Variants in PTPRD observed in about 807,000 individuals in gnomAD.
PTPRD encodes the protein protein tyrosine phosphatase receptor type D.
A neutral mutation model predicts 214.5 loss-of-function variants in PTPRD; 34 were observed. That is an observed-to-expected ratio of 0.16 (90% CI 0.12 to 0.21). The LOEUF (loss-of-function observed/expected upper bound fraction) is 0.21. Ranked by LOEUF, PTPRD falls within the 10% of genes least tolerant of loss-of-function variation. The pLI, the probability that PTPRD is intolerant of heterozygous loss-of-function variation, is 1.00. For missense variants in PTPRD, 2,545 were observed against 2,398.7 expected (o/e 1.06, Z -1.27); for synonymous variants, 1,128 against 845.7 (o/e 1.33, Z -5.79).
intron 5 of PTPRD, among the ~76,000 whole-genome samples, chr9:9,813,983 A>G (rs2047964152): frequency 6.6e-6 from 1 of 152,164 alleles, no homozygotes; most frequent in Non-Finnish European, 1.5e-5. Flanking sequence ...CTGGGCTGAA[A>G]GATGGTTCAA....
chr9:8,613,396 T>C (rs2095514335), intron 14 of PTPRD, among the ~76,000 whole-genome samples: 1 of 152,170 alleles, frequency 6.6e-6, no homozygotes. Context: ...GCCTTCCTTC[T>C]GGGAAACAGA....
chr9:9,281,913 C>G lies in PTPRD; in HGVS notation c.-202-98550G>C, dbSNP rs568634999. Among the ~76,000 whole-genome samples, 9 of 150,892 alleles carry G rather than the reference C, an allele frequency of 6.0e-5. No individual in the cohort carries two copies. In the South Asian group the frequency reaches 1.7e-3, roughly 28 times the overall value. On this transcript the variant is annotated intron_variant, in intron 9 of 45. Coordinates refer to ENST00000381196, the MANE Select transcript of PTPRD (RefSeq NM_002839.4). Reference sequence around the variant, plus strand: ...TATATCCAGATGATGAAATATTATTCAGCACTAAAATATTATTCAACATGA... The same window carrying G: ...TATATCCAGATGATGAAATATTATTGAGCACTAAAATATTATTCAACATGA...
chr9:10,394,067 T>C (rs2890916), intron 2 of PTPRD, among the ~76,000 whole-genome samples: 1 of 144,426 alleles, frequency 6.9e-6, no homozygotes, highest in East Asian at 2.0e-4. Context: ...TATATATATA[T>C]ATATATATAG....
intron 11 of PTPRD, among the ~76,000 whole-genome samples, chr9:9,003,311 A>T (rs2099431214): frequency 6.6e-6 from 1 of 151,910 alleles, no homozygotes; most frequent in African/African-American, 2.4e-5. Flanking sequence ...CTGAATCTAA[A>T]TCCCTAACGC....
chr9:9,939,918 A>C (rs1603114859), intron 4 of PTPRD, among the ~76,000 whole-genome samples: 1 of 152,126 alleles, frequency 6.6e-6, no homozygotes, highest in African/African-American at 2.4e-5. Flanking sequence ...CCACTTTATC[A>C]CCTTCATTTC....
At chr9:8,425,889 T>C (rs1437023892) in intron 35 of PTPRD, among the ~76,000 whole-genome samples, 1 of 152,144 alleles carries the variant, frequency 6.6e-6, no homozygotes, top group Non-Finnish European at 1.5e-5. Context: ...AAAATACCTT[T>C]TTTTGATATT....
chr9:8,708,889 G>C (rs1246508850), intron 12 of PTPRD, among the ~76,000 whole-genome samples: 1 of 152,036 alleles, frequency 6.6e-6, no homozygotes, highest in African/African-American at 2.4e-5. Context: ...GTCCTATTAT[G>C]TACACAGTGA....
intron 2 of PTPRD, among the ~76,000 whole-genome samples, chr9:10,576,840 T>C (rs1446300145): frequency 6.6e-6 from 1 of 152,138 alleles, no homozygotes; most frequent in Non-Finnish European, 1.5e-5. Flanking sequence ...CCAAGTTAAA[T>C]ACATCATTGT....
At chr9:10,386,185 G>T (rs925864297) in intron 2 of PTPRD, among the ~76,000 whole-genome samples, 12 of 151,784 alleles carry the variant, frequency 7.9e-5, no homozygotes, top group African/African-American at 2.4e-4. Flanking sequence ...GGTTTAGAGC[G>T]AGTTTATATT....
intron 2 of PTPRD, among the ~76,000 whole-genome samples, chr9:10,479,802 C>CA (rs1220363451): frequency 1.3e-5 from 2 of 151,996 alleles, no homozygotes; most frequent in Admixed American, 6.6e-5. Flanking sequence ...GCCTGGGCAA[C>CA]AGGGTGAGAT....
At chr9:8,366,016 A>G (rs1179793886) in intron 39 of PTPRD, among the ~76,000 whole-genome samples, 4 of 152,256 alleles carry the variant, frequency 2.6e-5, no homozygotes, top group African/African-American at 4.8e-5. Flanking sequence ...ACTGACAGAC[A>G]TACCCTCCGT....
chr9:8,357,518 T>G (rs1444817612), intron 39 of PTPRD, among the ~76,000 whole-genome samples: 1 of 152,210 alleles, frequency 6.6e-6, no homozygotes, highest in East Asian at 1.9e-4. Flanking sequence ...GCAAATATAC[T>G]GCATTTGAGA....
intron 7 of PTPRD, among the ~76,000 whole-genome samples, chr9:9,623,066 A>G (rs76621813): frequency 0.28 from 42,860 of 152,160 alleles, 6,555 homozygotes; most frequent in Non-Finnish European, 0.34. Flanking sequence ...CTGGGGAGAC[A>G]TAGCTAAATC....
chr9:8,452,610 G>A (rs1216010596), intron 33 of PTPRD, among the ~76,000 whole-genome samples: 1 of 151,942 alleles, frequency 6.6e-6, no homozygotes, highest in Non-Finnish European at 1.5e-5. Context: ...TTTCTATTAA[G>A]ATTATAAAAT....
intron 8 of PTPRD, among the ~76,000 whole-genome samples, chr9:9,466,339 C>A (rs1164091287): frequency 6.6e-6 from 1 of 152,078 alleles, no homozygotes; most frequent in East Asian, 1.9e-4. Flanking sequence ...AAAATAAAAT[C>A]TAGCTTATCT....
intron 2 of PTPRD, among the ~76,000 whole-genome samples, chr9:10,471,975 T>G (rs988610742): frequency 6.6e-6 from 1 of 152,136 alleles, no homozygotes; most frequent in Non-Finnish European, 1.5e-5. Flanking sequence ...TATTTCAATT[T>G]ATGCCTCATG....
In PTPRD at chr9:9,690,226, C is replaced by T. The variant is rs529271854; in HGVS notation, c.-287+44307G>A. Among the ~76,000 whole-genome samples the T allele has an allele frequency of 2.2e-3, 327 of 151,978 alleles. 15 individuals carry two copies. The South Asian group carries it at 0.067, about 31-fold the overall frequency. On this transcript the variant is annotated intron_variant, in intron 7 of 45. Coordinates refer to ENST00000381196, the MANE Select transcript of PTPRD (RefSeq NM_002839.4). ...CTGACTGTAGTTTTGATTTGTATTT[C>T]TCTGATGATCAATGATGTTGATCAC...
intron 2 of PTPRD, among the ~76,000 whole-genome samples, chr9:10,509,148 C>CT (rs1589723595): frequency 6.6e-6 from 1 of 151,906 alleles, no homozygotes; most frequent in East Asian, 1.9e-4. Context: ...TGCAGGTAAA[C>CT]TTTGACCTAC....
intron 14 of PTPRD, among the ~76,000 whole-genome samples, chr9:8,565,353 C>A (rs1196038987): frequency 6.6e-6 from 1 of 152,140 alleles, no homozygotes; most frequent in African/African-American, 2.4e-5. Context: ...CATGTGAGAA[C>A]CATATTTGGT....
Sources: allele counts gnomAD v4.1 joint callset (sites outside exome capture counted in the v4.1 genomes callset), GRCh38; gene constraint gnomAD v4.1.1; transcripts MANE v1.5; gene names NCBI Gene and HGNC (gene_info 2026-07-23, HGNC 2026-07-21).